PPP2R5C: variants seen among roughly 807,000 people sequenced by gnomAD.
PPP2R5C encodes protein phosphatase 2 regulatory subunit B'gamma.
Under a neutral mutation model 68.9 loss-of-function variants are expected in PPP2R5C, and 7 were observed. The observed-to-expected ratio is 0.10, with a 90% CI of 0.06 to 0.19. The LOEUF (loss-of-function observed/expected upper bound fraction) is 0.19. Among genes scored for constraint, PPP2R5C ranks in the 10% least tolerant of loss-of-function variants. The pLI is 1.00. For missense variants in PPP2R5C, 348 were observed against 641.3 expected, an observed-to-expected ratio of 0.54 and a Z score of 4.94; for synonymous variants, 210 against 222.2, an observed-to-expected ratio of 0.95 and a Z score of 0.49.
At chr14:101,808,602 C>T (rs2039174608), upstream of PPP2R5C, among the ~76,000 whole-genome samples, 1 of 152,250 alleles carries the variant, frequency 6.6e-6, no homozygotes, top group African/African-American at 2.4e-5. Context: ...GCGCTAAACC[C>T]TCAGCTGGAA....
At chr14:101,829,851 G>A (rs2040629893) in intron 1 of PPP2R5C, among the ~76,000 whole-genome samples, 1 of 152,120 alleles carries the variant, frequency 6.6e-6, no homozygotes, top group African/African-American at 2.4e-5. Flanking sequence ...GTCTCACTTT[G>A]GTTGTTGTGT....
intron 1 of PPP2R5C, chr14:101,843,806 A>G (rs947291109): frequency 8.0e-5 from 18 of 225,080 alleles, no homozygotes; most frequent in Non-Finnish European, 1.5e-4. Context: ...ATCGCTTTCC[A>G]GATATTCTGA....
intron 2 of PPP2R5C, among the ~76,000 whole-genome samples, chr14:101,871,881 A>C (rs1471379834): frequency 6.6e-6 from 1 of 152,172 alleles, no homozygotes; most frequent in Non-Finnish European, 1.5e-5. Context: ...TAAGACATTT[A>C]CAACAGTATA....
intron 2 of PPP2R5C, among the ~76,000 whole-genome samples, chr14:101,872,507 A>G (rs2043491329): frequency 6.6e-6 from 1 of 152,076 alleles, no homozygotes; most frequent in South Asian, 2.1e-4. Flanking sequence ...CAAAGTACTG[A>G]GAGTACAGGG....
In PPP2R5C at chr14:101,831,741, G is replaced by C. The variant is rs374341058; in HGVS notation, c.94+21705G>C. ...GATTCGAGACCTATGTATACAGAGG[G>C]CCAACTTTTCATACGCACGGGTTCT... On this transcript the variant is annotated intron_variant, in intron 1 of 13. Transcript: ENST00000334743. 2.6e-5 allele frequency: 18 copies of C among 702,252 alleles called. No homozygotes were observed. The African/African-American group carries it at 2.8e-4, about 11-fold the overall frequency. 43.5% of individuals were successfully genotyped at this position (702,252 alleles called of 1,614,324 possible).
chr14:101,811,826 T>C (rs2039378735), intron 1 of PPP2R5C, among the ~76,000 whole-genome samples: 1 of 152,244 alleles, frequency 6.6e-6, no homozygotes, highest in South Asian at 2.1e-4. Flanking sequence ...TATTCTGAAA[T>C]AGAATCATTT....
intron 2 of PPP2R5C, among the ~76,000 whole-genome samples, chr14:101,772,637 A>T (rs1055409005): frequency 1.2e-4 from 18 of 151,856 alleles, no homozygotes; most frequent in African/African-American, 1.9e-4. Flanking sequence ...TCTATTAAAA[A>T]TTTTTTTTAA....
Position 101,888,439 on chromosome 14 carries a change from C to CA in PPP2R5C, c.630-1797dup, listed in dbSNP as rs2044660098. Among the ~76,000 whole-genome samples the CA allele has an allele frequency of 6.6e-6, 1 of 152,078 alleles. No individual in the cohort carries two copies. The highest frequency in any genetic ancestry group is 6.5e-5 in the Admixed American group (1 of 15,268). ...TGGCACCAGTGTCGTTCCTGTCACC[C>CA]ACGGCACTGAGCTCTGCCCTGGTAA... On this transcript the variant is annotated intron_variant, in intron 5 of 13. Transcript: ENST00000334743. The surrounding 1 kb of genome is among the most constrained non-coding windows in gnomAD (Gnocchi z 5.6).
At chr14:101,780,392 T>C (rs986744813) in intron 2 of PPP2R5C, among the ~76,000 whole-genome samples, 7 of 152,176 alleles carry the variant, frequency 4.6e-5, no homozygotes, top group African/African-American at 1.7e-4. Context: ...CCCATACGTT[T>C]GAGAGATATG....
chr14:101,907,833 G>T (rs578259613), intron 10 of PPP2R5C, among the ~76,000 whole-genome samples: 1 of 152,200 alleles, frequency 6.6e-6, no homozygotes, highest in African/African-American at 2.4e-5. Flanking sequence ...GCTCGAGGCT[G>T]CAGGTGGCAC....
chr14:101,780,808 G>A (rs575024490), intron 2 of PPP2R5C, among the ~76,000 whole-genome samples: 1 of 152,300 alleles, frequency 6.6e-6, no homozygotes, highest in East Asian at 1.9e-4. Context: ...TTGCAGAAAG[G>A]GAGGATTTTG....
chr14:101,876,906 C>G (rs1352709417), intron 2 of PPP2R5C, among the ~76,000 whole-genome samples: 1 of 148,438 alleles, frequency 6.7e-6, no homozygotes, highest in Non-Finnish European at 1.5e-5. Flanking sequence ...ATTCTCACCA[C>G]AGCCCAATGC....
chr14:101,896,551 TG>T (rs1222831292), intron 8 of PPP2R5C, among the ~76,000 whole-genome samples: 1 of 147,458 alleles, frequency 6.8e-6, no homozygotes. Context: ...CTGGGCAATA[TG>T]GCAAAATCCC....
intron 2 of PPP2R5C, chr14:101,765,219 C>A (rs2036789561): frequency 1.4e-6 from 1 of 702,762 alleles, no homozygotes; most frequent in Non-Finnish European, 2.6e-6. Flanking sequence ...AAATGTTGGG[C>A]CCTTCACTGC....
intron 1 of PPP2R5C, among the ~76,000 whole-genome samples, chr14:101,852,469 C>CTTTTTTTTTTTTTTTTTTTTTTTT (rs559509845): frequency 2.6e-5 from 3 of 115,106 alleles, no homozygotes; most frequent in African/African-American, 6.6e-5. Flanking sequence ...TTTTCTTTTT[C>CTTTTTTTTTTTTTTTTTTTTTTTT]TTTTTTTTTT....
chr14:101,768,575 C>T (rs1449604887), intron 2 of PPP2R5C, among the ~76,000 whole-genome samples: 1 of 151,978 alleles, frequency 6.6e-6, no homozygotes, highest in Non-Finnish European at 1.5e-5. Flanking sequence ...ATCTGTTTAA[C>T]GTCCGGCTCC....
intron 1 of PPP2R5C, chr14:101,839,367 A>G (rs190226635): frequency 1.3e-5 from 2 of 151,256 alleles, no homozygotes; most frequent in East Asian, 1.9e-4. Flanking sequence ...AAAAAAGAAC[A>G]CTCATTTCCA....
At position 101,846,416 on chromosome 14, in the gene PPP2R5C, G is replaced by A. The variant is rs137894783; in HGVS notation, c.95-10270G>A. On this transcript the variant is annotated intron_variant, in intron 1 of 13. Coordinates refer to ENST00000334743, the Ensembl canonical transcript of PPP2R5C. ...AGAGACATTAATATGAAAAATGTAT[G>A]TATTAGAATGGATAAAATAAGACAC... is the stretch of plus-strand genomic sequence containing the variant. Among the ~76,000 whole-genome samples, 1,306 of 152,320 alleles carry A rather than the reference G, an allele frequency of 8.6e-3. 8 individuals carry two copies. The highest frequency in any genetic ancestry group is 0.015 in the Non-Finnish European group (1,045 of 68,018).
intron 1 of PPP2R5C, among the ~76,000 whole-genome samples, chr14:101,821,452 G>GGTGGGT (rs1555386196): frequency 9.9e-5 from 12 of 121,426 alleles, no homozygotes; most frequent in Admixed American, 3.8e-4. Context: ...TGGGTGGGTG[G>GGTGGGT]GTGTGTGTGT....
Sources: allele counts gnomAD v4.1 joint callset (sites outside exome capture counted in the v4.1 genomes callset), GRCh38; gene constraint gnomAD v4.1.1; non-coding constraint Gnocchi (gnomAD v3.1); transcripts MANE v1.5; gene names NCBI Gene and HGNC (gene_info 2026-07-23, HGNC 2026-07-21).